SDK1: variants seen among roughly 807,000 people sequenced by gnomAD.
SDK1 encodes protein sidekick-1.
A neutral mutation model predicts 245.5 loss-of-function variants in SDK1; 157 were observed. That is an observed-to-expected ratio of 0.64 (90% CI 0.56 to 0.73). The LOEUF (loss-of-function observed/expected upper bound fraction) is 0.73. Ranked by LOEUF, SDK1 falls within the 30% of genes least tolerant of loss-of-function variation. The pLI, the probability that SDK1 is intolerant of heterozygous loss-of-function variation, is 0.00. For synonymous variants in SDK1, 1,647 were observed against 1,278.5 expected, an observed-to-expected ratio of 1.29 and a Z score of -6.15; for missense variants, 3,583 against 3,002.3, an observed-to-expected ratio of 1.19 and a Z score of -4.52.
In SDK1 at chr7:3,962,662, C is replaced by T. The variant is rs1210173747; in HGVS notation, c.1240C>T (p.Pro414Ser). ...TTATTCCCATTCCTACGCAGGGGTC[C>T]CCCTTCCCACCCTCCAGTGGTACAA... ...VDIGCQAMGV[P>S]LPTLQWYKDA... The change falls in exon 9 of 45, where the codon CCC becomes TCC. Residue 414 changes from proline to serine, a missense_variant. Pro to Ser is a moderately conservative substitution (Grantham distance 74). Transcript: ENST00000404826. 16 of 1,604,676 alleles carry T rather than the reference C, an allele frequency of 1.0e-5. No individual in the cohort carries two copies. The highest frequency in any genetic ancestry group is 5.4e-5 in the African/African-American group (4 of 74,486).
At chr7:3,786,465 G>GCAA (rs1321922780) in intron 4 of SDK1, among the ~76,000 whole-genome samples, 1 of 152,106 alleles carries the variant, frequency 6.6e-6, no homozygotes, top group Non-Finnish European at 1.5e-5. Context: ...TCCTAGCCTA[G>GCAA]CAACGGTCAT....
At chr7:3,571,480 T>A (rs1253989005) in intron 1 of SDK1, among the ~76,000 whole-genome samples, 1 of 151,970 alleles carries the variant, frequency 6.6e-6, no homozygotes. Flanking sequence ...TTTAAAAATT[T>A]TTTTTGTACA....
At chr7:3,847,526 C>T (rs913243254) in intron 5 of SDK1, among the ~76,000 whole-genome samples, 4 of 152,310 alleles carry the variant, frequency 2.6e-5, no homozygotes, top group African/African-American at 9.6e-5. Context: ...TGGAAGCAAG[C>T]GTGTGGGATT....
At position 3,305,769 on chromosome 7, in the gene SDK1, C is replaced by A. The variant is rs140109347; in HGVS notation, c.298+3885C>A. 3.4e-3 allele frequency among the ~76,000 whole-genome samples: 511 copies of A among 152,150 alleles called. 2 individuals are homozygous for A. Among genetic ancestry groups the A allele is most frequent in the Admixed American group, 7.8e-3 (119 of 15,292 alleles). ...CTTGGTTGGTTACTGTCTTCCAAAT[C>A]CAACAATAAGCAGTTATTACCCTCT... is the stretch of plus-strand genomic sequence containing the variant. On this transcript the variant is annotated intron_variant, in intron 1 of 44. Transcript: ENST00000404826.
chr7:3,511,977 G>A (rs1011482027), intron 1 of SDK1, among the ~76,000 whole-genome samples: 2 of 150,750 alleles, frequency 1.3e-5, no homozygotes. Context: ...AGGATCACCT[G>A]AAGTCCATAC....
chr7:4,149,862 C>T (rs1440549646), intron 30 of SDK1, among the ~76,000 whole-genome samples: 3 of 152,092 alleles, frequency 2.0e-5, no homozygotes, highest in Non-Finnish European at 4.4e-5. Flanking sequence ...GCTGGAGGGA[C>T]GTTGCGTCCC....
chr7:4,166,055 C>A (rs1781478952), intron 32 of SDK1, among the ~76,000 whole-genome samples: 1 of 152,192 alleles, frequency 6.6e-6, no homozygotes, highest in Non-Finnish European at 1.5e-5. Flanking sequence ...TCCCAAAGTG[C>A]TGGGATTACA....
chr7:3,945,408 G>A (rs1027162996), intron 5 of SDK1, among the ~76,000 whole-genome samples: 3 of 152,080 alleles, frequency 2.0e-5, no homozygotes, highest in Admixed American at 1.3e-4. Flanking sequence ...AATTAACAAA[G>A]AGGGAGAAAA....
intron 1 of SDK1, among the ~76,000 whole-genome samples, chr7:3,420,746 A>ATT (rs1161980858): frequency 6.6e-6 from 1 of 152,192 alleles, no homozygotes; most frequent in East Asian, 1.9e-4. Context: ...GCTCAAGAAC[A>ATT]TTTTTTAAAA....
intron 4 of SDK1, among the ~76,000 whole-genome samples, chr7:3,662,616 A>G (rs780393114): frequency 2.6e-5 from 4 of 152,134 alleles, no homozygotes; most frequent in Admixed American, 1.3e-4. Flanking sequence ...GGGTTCGGAG[A>G]AATGGTTCCT....
intron 21 of SDK1, among the ~76,000 whole-genome samples, chr7:4,078,880 C>T (rs1780873027): frequency 6.6e-6 from 1 of 152,142 alleles, no homozygotes; most frequent in African/African-American, 2.4e-5. Flanking sequence ...GAGAGTTCTG[C>T]ACTTGCACGA....
chr7:3,939,012 A>C (rs1185466522), intron 5 of SDK1, among the ~76,000 whole-genome samples: 1 of 152,248 alleles, frequency 6.6e-6, no homozygotes, highest in Non-Finnish European at 1.5e-5. Flanking sequence ...TCAGTAGAAA[A>C]GTCCAGAAGC....
rs930608488 is a variant in SDK1 at position 3,834,574 on chromosome 7, C to T, written c.847+12991C>T. Among the ~76,000 whole-genome samples, 7 of 152,216 alleles carry T rather than the reference C, an allele frequency of 4.6e-5. No homozygotes were observed. The South Asian group carries it at 8.3e-4, about 18-fold the overall frequency. On this transcript the variant is annotated intron_variant, in intron 5 of 44. Transcript: ENST00000404826. ...AAAAGGGGGTTGGGGTAGAACAGCA[C>T]TGTCTATGACCGGGAACTGCCATAA...
At chr7:3,997,868 C>T (rs2128143214) in intron 14 of SDK1, among the ~76,000 whole-genome samples, 1 of 152,330 alleles carries the variant, frequency 6.6e-6, no homozygotes, top group East Asian at 1.9e-4. Flanking sequence ...TCATGGCACT[C>T]ATGCTCGCCC....
At chr7:3,546,380 C>G (rs1246057438) in intron 1 of SDK1, among the ~76,000 whole-genome samples, 1 of 152,160 alleles carries the variant, frequency 6.6e-6, no homozygotes, top group Non-Finnish European at 1.5e-5. Context: ...CGTGAAGGCC[C>G]TAGTTGACCT....
At chr7:4,075,050 G>C (rs1162445830) in intron 20 of SDK1, among the ~76,000 whole-genome samples, 2 of 151,226 alleles carry the variant, frequency 1.3e-5, no homozygotes, top group East Asian at 3.9e-4. Flanking sequence ...GCAGCCAGGC[G>C]CCTTTGATGA....
rs80144113 is a variant in SDK1 at position 4,248,117 on chromosome 7, C to T, written c.6381+2312C>T. 3.0e-3 allele frequency among the ~76,000 whole-genome samples: 458 copies of T among 152,196 alleles called. 2 individuals carry two copies. The highest frequency in any genetic ancestry group is 0.024 in the East Asian group (122 of 5,190). On this transcript the variant is annotated intron_variant, in intron 44 of 44. Coordinates refer to ENST00000404826, the MANE Select transcript of SDK1 (RefSeq NM_152744.4). The stretch of plus-strand genomic sequence containing the variant: ...TTTATGGAAGATTATTGAGCACACC[C>T]GTGAACTGAGCTAAGCATATACATT...
At chr7:3,865,399 T>G (rs1780796370) in intron 5 of SDK1, among the ~76,000 whole-genome samples, 1 of 152,222 alleles carries the variant, frequency 6.6e-6, no homozygotes, top group Non-Finnish European at 1.5e-5. Flanking sequence ...AGACTCAAAA[T>G]GTTTTGACAT....
At chr7:4,195,899 C>A (rs688822) in intron 35 of SDK1, among the ~76,000 whole-genome samples, 21,359 of 152,146 alleles carry the variant, frequency 0.14, 1,873 homozygotes, top group Middle Eastern at 0.27. Flanking sequence ...TCCACCCACC[C>A]CAAAATCCAT....
Sources: gnomAD v4.1 joint callset for allele counts (sites outside exome capture counted in the v4.1 genomes callset) on GRCh38, gnomAD v4.1.1 for gene constraint, MANE v1.5 for transcripts, NCBI Gene and HGNC (gene_info 2026-07-23, HGNC 2026-07-21) for gene names.